Variants in XIAP observed in about 807,000 individuals in gnomAD.
The protein encoded by XIAP is X-linked inhibitor of apoptosis, also known as E3 ubiquitin-protein ligase XIAP.
Under a neutral mutation model 33.1 loss-of-function variants are expected in XIAP, and 3 were observed. The ratio of observed to expected loss-of-function variants is 0.09; its 90% CI spans 0.04 to 0.23. The LOEUF (loss-of-function observed/expected upper bound fraction) is 0.23. Among genes scored for constraint, XIAP ranks in the 10% least tolerant of loss-of-function variants. The probability of loss-of-function intolerance (pLI) is 1.00; values close to 1 mark genes in which losing one functional copy is unlikely to be tolerated. For missense variants in XIAP, 264 were observed against 363.0 expected (o/e 0.73, Z 2.22); for synonymous variants, 98 against 121.3 (o/e 0.81, Z 1.26).
intron 1 of XIAP, among the ~76,000 whole-genome samples, chrX:123,868,542 C>A (rs1158554980): frequency 1.8e-5 from 2 of 111,084 alleles, no homozygotes; most frequent in East Asian, 5.7e-4. Context: ...CCAGCCTGGG[C>A]AACATGGTAA....
At chrX:123,875,205 G>A (rs2053233467) in intron 1 of XIAP, among the ~76,000 whole-genome samples, 1 of 108,288 alleles carries the variant, frequency 9.2e-6, no homozygotes, top group Non-Finnish European at 1.9e-5. Flanking sequence ...TGTATTTTTA[G>A]TAGAGACGGG....
At position 123,884,944 on chromosome X, in the gene XIAP, C is replaced by CAAAAAAAAAAAAAAAAAAAA. The variant is rs5903649; in HGVS notation, c.-32-675_-32-674insAAAAAAAAAAAAAAAAAAAA. 4.2e-4 allele frequency among the ~76,000 whole-genome samples: 39 copies of CAAAAAAAAAAAAAAAAAAAA among 92,071 alleles called. 2 individuals are homozygous for CAAAAAAAAAAAAAAAAAAAA. Among genetic ancestry groups the CAAAAAAAAAAAAAAAAAAAA allele is most frequent in the African/African-American group, 1.6e-3 (39 of 24,550 alleles). 80.0% of individuals were successfully genotyped at this position (92,071 alleles called of 115,157 possible). A position where few individuals can be genotyped will look rare whatever the true frequency, so the allele number is the denominator to read the frequency against. On this transcript the variant is annotated intron_variant, in intron 1 of 6. Transcript: ENST00000371199. ...CTGCAGGGCACATGTATGTCATGGG[C>CAAAAAAAAAAAAAAAAAAAA]AAAAAAAAAAAAGTAACAGCAATTA...
At chrX:123,888,010 A>T (rs2053369177) in intron 2 of XIAP, among the ~76,000 whole-genome samples, 1 of 74,158 alleles carries the variant, frequency 1.3e-5, no homozygotes, top group Non-Finnish European at 2.8e-5. Context: ...TAATTAATAA[A>T]TAAATAAATA....
In XIAP at chrX:123,860,219, C is replaced by A. The variant is rs1460615328; in HGVS notation, c.-107C>A. The A allele has an allele frequency of 3.0e-6, 1 of 330,013 alleles. No individual in the cohort carries two copies. Among genetic ancestry groups the A allele is most frequent in the Non-Finnish European group, 5.9e-6 (1 of 170,031 alleles). The allele number at this position is 330,013 out of a possible 1,213,427, so 27.2% of individuals were successfully genotyped here. ...GGCATTTCCAGATTGGGGCTCGGGCCGCGCCTCCTCCGGGACCCTCCCCTT... is the reference window on the plus strand; with the variant it reads ...GGCATTTCCAGATTGGGGCTCGGGCAGCGCCTCCTCCGGGACCCTCCCCTT... On this transcript the variant is annotated 5_prime_UTR_variant, in exon 1 of 7. Coordinates refer to ENST00000371199, the MANE Select transcript of XIAP (RefSeq NM_001167.4).
intron 5 of XIAP, among the ~76,000 whole-genome samples, chrX:123,895,460 T>C (rs2053451128): frequency 9.1e-6 from 1 of 110,014 alleles, no homozygotes. Flanking sequence ...CTCTTGGGCA[T>C]ATATCCAGGG....
At chrX:123,878,026 T>C (rs1303198290) in intron 1 of XIAP, among the ~76,000 whole-genome samples, 1 of 110,555 alleles carries the variant, frequency 9.0e-6, no homozygotes, top group Non-Finnish European at 1.9e-5. Context: ...TTCACTGGGC[T>C]CTGTGAAACA....
intron 3 of XIAP, among the ~76,000 whole-genome samples, chrX:123,890,037 G>T (rs2053391056): frequency 2.9e-5 from 1 of 34,591 alleles, no homozygotes. Context: ...TTTTTTTTGA[G>T]ACGGAGTCTC....
intron 2 of XIAP, 50 bp from the exon 3 acceptor site, chrX:123,888,569 G>T (rs761941149): frequency 9.2e-7 from 1 of 1,089,072 alleles, no homozygotes. Context: ...GAATATTTTT[G>T]TGTAAGCTTC....
intron 6 of XIAP, among the ~76,000 whole-genome samples, chrX:123,904,223 C>T (rs1407315478): frequency 9.0e-6 from 1 of 111,350 alleles, no homozygotes; most frequent in Non-Finnish European, 1.9e-5. Context: ...AGGCGTGAGC[C>T]ACCGCGCCCA....
At chrX:123,906,269 T>G in intron 6 of XIAP, among the ~76,000 whole-genome samples, 1 of 112,108 alleles carries the variant, frequency 8.9e-6, no homozygotes, top group Middle Eastern at 4.6e-3. Flanking sequence ...GATCTCTATC[T>G]CTAGCCCTGA....
At chrX:123,903,345 C>T (rs958251362) in intron 6 of XIAP, among the ~76,000 whole-genome samples, 8 of 108,809 alleles carry the variant, frequency 7.4e-5, no homozygotes, top group Admixed American at 7.0e-4. Context: ...TGTGCCACCA[C>T]ACCCTGTTAA....
In XIAP at chrX:123,897,966, C is replaced by T. The variant is rs1282197195; in HGVS notation, c.1100-2527C>T. Reference sequence around the variant, plus strand: ...CAACAAAACAAACTGAAAATAAAAACAAGTCAAAGATAGGAGAAGCAGGAA... The same window carrying T: ...CAACAAAACAAACTGAAAATAAAAATAAGTCAAAGATAGGAGAAGCAGGAA... On this transcript the variant is annotated intron_variant, in intron 5 of 6. Coordinates refer to ENST00000371199, the MANE Select transcript of XIAP (RefSeq NM_001167.4). 2.7e-5 allele frequency among the ~76,000 whole-genome samples: 3 copies of T among 112,294 alleles called. No homozygotes were observed. The East Asian group carries it at 8.3e-4, about 31-fold the overall frequency.
chrX:123,864,963 C>G (rs368534166), intron 1 of XIAP, among the ~76,000 whole-genome samples: 3 of 103,494 alleles, frequency 2.9e-5, no homozygotes, highest in African/African-American at 1.1e-4. Context: ...ATTACAGGCG[C>G]GAGCCATCAC....
At chrX:123,893,896 A>C (rs1243337140) in intron 5 of XIAP, among the ~76,000 whole-genome samples, 1 of 112,705 alleles carries the variant, frequency 8.9e-6, no homozygotes, top group Admixed American at 9.4e-5. Flanking sequence ...TAAAAATGTT[A>C]GTAGGCCATC....
At chrX:123,888,106 G>A (rs1056659568) in intron 2 of XIAP, among the ~76,000 whole-genome samples, 1 of 111,679 alleles carries the variant, frequency 9.0e-6, no homozygotes, top group African/African-American at 3.2e-5. Flanking sequence ...GGCCGAGGCG[G>A]GTGGATCACT....
chrX:123,893,302 G>A (rs995569707), intron 5 of XIAP, among the ~76,000 whole-genome samples: 7 of 107,062 alleles, frequency 6.5e-5, no homozygotes, highest in Non-Finnish European at 1.3e-4. Flanking sequence ...GGCCAATCAC[G>A]AGGTCAGGAG....
At chrX:123,869,362 C>CAAAAAAAAA (rs57436822) in intron 1 of XIAP, among the ~76,000 whole-genome samples, 546 of 29,626 alleles carry the variant, frequency 0.018, 4 homozygotes, top group Non-Finnish European at 0.019. Context: ...TAAAAAAATA[C>CAAAAAAAAA]AAAAAAAAAA....
intron 1 of XIAP, among the ~76,000 whole-genome samples, chrX:123,870,529 T>A (rs2053184585): frequency 9.0e-6 from 1 of 111,728 alleles, no homozygotes; most frequent in African/African-American, 3.3e-5. Flanking sequence ...TCAGATAGAG[T>A]TAAATATTTT....
intron 4 of XIAP, 96 bp from the exon 5 acceptor site, chrX:123,892,635 A>G (rs2053418135): frequency 3.9e-6 from 3 of 764,936 alleles, no homozygotes; most frequent in Admixed American, 2.4e-5. Flanking sequence ...AATAAAGCCA[A>G]TTTATTTTAA....
Sources: allele counts gnomAD v4.1 joint callset (sites outside exome capture counted in the v4.1 genomes callset), GRCh38; gene constraint gnomAD v4.1.1; transcripts MANE v1.5; gene names NCBI Gene and HGNC (gene_info 2026-07-23, HGNC 2026-07-21).